Variants in KDM4C observed in about 807,000 individuals in gnomAD.
KDM4C encodes the protein lysine demethylase 4C.
In KDM4C, 81 loss-of-function variants were observed where a neutral mutation model predicts 129.3. The observed-to-expected ratio is 0.63, with a 90% CI of 0.52 to 0.75. The LOEUF is 0.75. Among genes scored for constraint, KDM4C ranks in the 30% least tolerant of loss-of-function variants. The pLI is 0.00. For synonymous variants in KDM4C, 573 were observed against 456.1 expected (o/e 1.26, Z -3.26); for missense variants, 1,457 against 1,304.0 (o/e 1.12, Z -1.81).
At chr9:7,157,539 G>C (rs746880757) in intron 19 of KDM4C, among the ~76,000 whole-genome samples, 4 of 152,170 alleles carry the variant, frequency 2.6e-5, no homozygotes, top group Non-Finnish European at 4.4e-5. Flanking sequence ...TCAGTACCTA[G>C]TTTATTGAGA....
chr9:6,725,320 T>C (rs1050704274), intron 1 of KDM4C, among the ~76,000 whole-genome samples: 2 of 117,698 alleles, frequency 1.7e-5, no homozygotes, highest in Non-Finnish European at 3.5e-5. Context: ...CTGGAGTGCA[T>C]CTAGTGTGTG....
intron 21 of KDM4C, among the ~76,000 whole-genome samples, chr9:7,173,969 G>A (rs1419585793): frequency 6.6e-6 from 1 of 152,220 alleles, no homozygotes; most frequent in East Asian, 1.9e-4. Flanking sequence ...GGGCATCGTA[G>A]TTGAGCAGAT....
intron 4 of KDM4C, among the ~76,000 whole-genome samples, chr9:6,833,708 A>G (rs1352774883): frequency 1.3e-5 from 2 of 152,232 alleles, no homozygotes; most frequent in East Asian, 1.9e-4. Context: ...GTACTGAATC[A>G]GTGTTAGCTG....
intron 8 of KDM4C, among the ~76,000 whole-genome samples, chr9:6,978,293 T>C (rs547557167): frequency 1.6e-4 from 24 of 152,074 alleles, no homozygotes; most frequent in African/African-American, 4.8e-4. Context: ...TGATATGATG[T>C]AATCTTTTTC....
chr9:6,761,522 G>GCCTGGCTGATTTTT, intron 1 of KDM4C, among the ~76,000 whole-genome samples: 1 of 151,986 alleles, frequency 6.6e-6, no homozygotes, highest in East Asian at 1.9e-4. Flanking sequence ...GTCTTGCCAT[G>GCCTGGCTGATTTTT]GTACCCCGGC....
intron 19 of KDM4C, among the ~76,000 whole-genome samples, chr9:7,152,622 G>T (rs1842825903): frequency 6.6e-6 from 1 of 152,190 alleles, no homozygotes; most frequent in African/African-American, 2.4e-5. Flanking sequence ...ATGGAGAGTG[G>T]TGATGAAGTC....
intron 20 of KDM4C, among the ~76,000 whole-genome samples, chr9:7,165,913 C>G (rs1029038969): frequency 6.6e-6 from 1 of 152,262 alleles, no homozygotes; most frequent in Non-Finnish European, 1.5e-5. Context: ...GTTGGACGTT[C>G]TGTTCACCAG....
chr9:6,887,826 G>C (rs1163480394), intron 6 of KDM4C, 134 bp from the exon 7 acceptor site: 3 of 576,520 alleles, frequency 5.2e-6, no homozygotes, highest in African/African-American at 3.9e-5. Context: ...TTTAGTACAA[G>C]GGCTTTTTGG....
chr9:6,978,096 A>G (rs554789089), intron 8 of KDM4C, among the ~76,000 whole-genome samples: 4 of 152,312 alleles, frequency 2.6e-5, no homozygotes, highest in African/African-American at 9.6e-5. Context: ...AAAAAGTTTA[A>G]TTCTATTGTC....
chr9:7,162,249 C>G (rs555297162), intron 19 of KDM4C, among the ~76,000 whole-genome samples: 1 of 152,138 alleles, frequency 6.6e-6, no homozygotes, highest in Non-Finnish European at 1.5e-5. Context: ...GTTCTGAAAG[C>G]AAGAAGATTG....
chr9:7,109,792 A>C (rs1314318666), intron 18 of KDM4C, among the ~76,000 whole-genome samples: 3 of 152,050 alleles, frequency 2.0e-5, no homozygotes, highest in African/African-American at 7.2e-5. Flanking sequence ...CTTTATTTCT[A>C]ATTTTAAACC....
chr9:6,763,167 T>G (rs547570264), intron 1 of KDM4C, among the ~76,000 whole-genome samples: 3 of 152,220 alleles, frequency 2.0e-5, no homozygotes, highest in Non-Finnish European at 4.4e-5. Context: ...TGCTCCTGCT[T>G]CAAGGCTGCT....
chr9:7,004,034 C>CTA (rs1821215341), intron 12 of KDM4C, among the ~76,000 whole-genome samples: 1 of 152,118 alleles, frequency 6.6e-6, no homozygotes, highest in Admixed American at 6.5e-5. Flanking sequence ...GAGAATGGTG[C>CTA]TGTACCAGCC....
At chr9:7,038,919 T>A (rs1362346366) in intron 15 of KDM4C, among the ~76,000 whole-genome samples, 1 of 152,070 alleles carries the variant, frequency 6.6e-6, no homozygotes, top group Non-Finnish European at 1.5e-5. Context: ...TTTACATATT[T>A]TTTGTAACTG....
At position 7,138,082 on chromosome 9, in the gene KDM4C, T is replaced by G. The variant is rs115833319; in HGVS notation, c.2781+9846T>G. Among the ~76,000 whole-genome samples the G allele has an allele frequency of 6.4e-3, 976 of 152,308 alleles. 8 individuals are homozygous for G. The highest frequency in any genetic ancestry group is 0.021 in the African/African-American group (885 of 41,552). On this transcript the variant is annotated intron_variant, in intron 19 of 21. Coordinates refer to ENST00000381309, the MANE Select transcript of KDM4C (RefSeq NM_015061.6). ...CTTGCCTTTTGCATTATTAAATAAA[T>G]TATAATTTTGAGGTCAGAGTATGTG... is the stretch of plus-strand genomic sequence containing the variant.
chr9:7,108,069 C>T (rs1837899417), intron 18 of KDM4C, among the ~76,000 whole-genome samples: 1 of 152,048 alleles, frequency 6.6e-6, no homozygotes, highest in Non-Finnish European at 1.5e-5. Flanking sequence ...TTTTTGTGTG[C>T]ATAATGGAAA....
At chr9:7,115,539 A>G (rs1838801187) in intron 18 of KDM4C, among the ~76,000 whole-genome samples, 1 of 152,218 alleles carries the variant, frequency 6.6e-6, no homozygotes, top group African/African-American at 2.4e-5. Context: ...AGGATATTCA[A>G]TTCCTTCATG....
intron 18 of KDM4C, among the ~76,000 whole-genome samples, chr9:7,105,195 C>T (rs1837540603): frequency 6.6e-6 from 1 of 152,170 alleles, no homozygotes; most frequent in Non-Finnish European, 1.5e-5. Flanking sequence ...TAACAGTGTG[C>T]AGTCAATAGG....
chr9:6,907,176 TGTGAC>T (rs1818467885), intron 8 of KDM4C, among the ~76,000 whole-genome samples: 1 of 152,222 alleles, frequency 6.6e-6, no homozygotes, highest in African/African-American at 2.4e-5. Flanking sequence ...TATATTGTTA[TGTGAC>T]AAAGAGTAGT....
Sources: gnomAD v4.1 joint callset for allele counts (sites outside exome capture counted in the v4.1 genomes callset) on GRCh38, gnomAD v4.1.1 for gene constraint, MANE v1.5 for transcripts, NCBI Gene and HGNC (gene_info 2026-07-23, HGNC 2026-07-21) for gene names.